Variants in HYDIN observed in about 807,000 individuals in gnomAD.
HYDIN encodes axonemal central pair apparatus protein HYDIN.
Under a neutral mutation model 403.9 loss-of-function variants are expected in HYDIN, and 132 were observed. That is an observed-to-expected ratio of 0.33 (90% confidence interval 0.28 to 0.38). HYDIN has a LOEUF of 0.38. Ranked by LOEUF, HYDIN falls within the 10% of genes least tolerant of loss-of-function variation. The probability of loss-of-function intolerance (pLI) is 1.00; values close to 1 mark genes in which losing one functional copy is unlikely to be tolerated. For missense variants in HYDIN, 2,827 were observed against 5,009.5 expected (o/e 0.56, Z 13.15); for synonymous variants, 1,202 against 1,891.7 (o/e 0.64, Z 9.46).
chr16:70,933,691 G>A lies in HYDIN; in HGVS notation c.7158+2261C>T, dbSNP rs531919020. The stretch of plus-strand genomic sequence containing the variant: ...TGGGATCTATTCACAGTTCCCAGCA[G>A]GGAGTGTCACATAGCAGGAATTCAG... On this transcript the variant is annotated intron_variant, in intron 45 of 85. Transcript: ENST00000393567. 5 of 154,954 alleles carry A rather than the reference G, an allele frequency of 3.2e-5. No homozygotes were observed. In the East Asian group the frequency reaches 5.8e-4, roughly 18 times the overall value. The allele number at this position is 154,954 out of a possible 1,614,324, so 9.6% of individuals were successfully genotyped here. A position where few individuals can be genotyped will look rare whatever the true frequency, so the allele number is the denominator to read the frequency against.
intron 84 of HYDIN, among the ~76,000 whole-genome samples, chr16:70,811,694 C>T (rs2035514442): frequency 6.6e-6 from 1 of 151,606 alleles, no homozygotes; most frequent in African/African-American, 2.4e-5. Flanking sequence ...CCCGTCTCTA[C>T]TAAAAATACA....
chr16:70,879,574 G>A, intron 61 of HYDIN, 31 bp downstream of exon 61: 2 of 1,612,010 alleles, frequency 1.2e-6, no homozygotes, highest in Non-Finnish European at 1.7e-6. Flanking sequence ...TCCTGCTGCA[G>A]GAGAGGGAGC....
chr16:70,964,545 T>G (rs981500269), intron 37 of HYDIN, among the ~76,000 whole-genome samples, 183 bp downstream of exon 37: 1 of 151,006 alleles, frequency 6.6e-6, no homozygotes, highest in Non-Finnish European at 1.5e-5. Flanking sequence ...TTCCAGCCTC[T>G]GCATCCATAA....
At chr16:71,230,532 G>C in intron 1 of HYDIN, 30 bp downstream of exon 1, 8 of 1,517,322 alleles carry the variant, frequency 5.3e-6, no homozygotes, top group Non-Finnish European at 7.0e-6. Context: ...CTCACACTTT[G>C]ACCCCACAAT....
chr16:71,027,384 T>G (rs1332816618), intron 20 of HYDIN: 2 of 1,433,918 alleles, frequency 1.4e-6, no homozygotes, highest in East Asian at 5.1e-5. Flanking sequence ...GAACCTCCTT[T>G]AAGATTGGGT....
intron 23 of HYDIN, among the ~76,000 whole-genome samples, chr16:71,005,320 G>A (rs1348063506): frequency 3.9e-5 from 6 of 152,060 alleles, no homozygotes; most frequent in Non-Finnish European, 8.8e-5. Flanking sequence ...GTACTTGAGA[G>A]GTAATTTGGT....
intron 13 of HYDIN, among the ~76,000 whole-genome samples, chr16:71,070,009 C>G (rs980106113): frequency 6.6e-6 from 1 of 152,184 alleles, no homozygotes; most frequent in Non-Finnish European, 1.5e-5. Flanking sequence ...GTGTCCTAGA[C>G]CTGTCTGGGT....
intron 20 of HYDIN, among the ~76,000 whole-genome samples, chr16:71,026,128 G>A (rs1289270468): frequency 1.3e-5 from 2 of 152,184 alleles, no homozygotes; most frequent in African/African-American, 4.8e-5. Flanking sequence ...TCGAACTCCC[G>A]ACCACAGGTG....
intron 29 of HYDIN, 67 bp downstream of exon 29, chr16:70,981,324 T>G: frequency 2.0e-6 from 3 of 1,506,562 alleles, no homozygotes; most frequent in Non-Finnish European, 2.7e-6. Context: ...CCAGCAATCT[T>G]CCAATAAGCA....
intron 23 of HYDIN, among the ~76,000 whole-genome samples, chr16:71,016,264 C>T (rs2080254431): frequency 6.6e-6 from 1 of 151,450 alleles, no homozygotes; most frequent in Admixed American, 6.6e-5. Flanking sequence ...AGAACTCCAA[C>T]TCAATAGCAA....
At chr16:71,194,171 G>C (rs2087575887) in intron 1 of HYDIN, among the ~76,000 whole-genome samples, 1 of 152,148 alleles carries the variant, frequency 6.6e-6, no homozygotes, top group Non-Finnish European at 1.5e-5. Context: ...CCAGCACTTT[G>C]GGAGGCTGAG....
chr16:70,985,470 T>A, intron 27 of HYDIN, 148 bp from the exon 28 acceptor site: 1 of 854,706 alleles, frequency 1.2e-6, no homozygotes, highest in Non-Finnish European at 1.8e-6. Flanking sequence ...AACAAATGCC[T>A]ACTGGGGCAC....
chr16:71,000,541 GGCC>G (rs2079672311), intron 23 of HYDIN, among the ~76,000 whole-genome samples: 1 of 151,136 alleles, frequency 6.6e-6, no homozygotes, highest in South Asian at 2.1e-4. Flanking sequence ...AGACTGTATG[GGCC>G]CCAACATGGA....
intron 23 of HYDIN, among the ~76,000 whole-genome samples, chr16:71,015,191 T>C (rs1294479108): frequency 6.6e-6 from 1 of 151,358 alleles, no homozygotes; most frequent in Non-Finnish European, 1.5e-5. Context: ...TATCAAATGT[T>C]TTCTGACTGA....
chr16:70,917,043 C>T (rs1192843406), intron 47 of HYDIN, among the ~76,000 whole-genome samples: 1 of 152,162 alleles, frequency 6.6e-6, no homozygotes, highest in African/African-American at 2.4e-5. Context: ...CCACCTCAGC[C>T]TCCTGAGTAG....
In HYDIN at chr16:70,889,816, C is replaced by A. The variant is rs189633916; in HGVS notation, c.9657-112G>T. On this transcript the variant is annotated intron_variant, in intron 57 of 85. Transcript: ENST00000393567. The stretch of plus-strand genomic sequence containing the variant: ...TTCTCCCAGGAATGGGGGAAGGGGC[C>A]CTTCTTTGCCCAAGAGGACACTGGA... 11 of 771,984 alleles carry A rather than the reference C, an allele frequency of 1.4e-5. No individual in the cohort carries two copies. The African/African-American group carries it at 1.9e-4, about 14-fold the overall frequency. 47.8% of individuals were successfully genotyped at this position (771,984 alleles called of 1,614,324 possible).
chr16:71,199,339 T>C (rs1290011818), intron 1 of HYDIN, among the ~76,000 whole-genome samples: 2 of 152,226 alleles, frequency 1.3e-5, no homozygotes, highest in Non-Finnish European at 2.9e-5. Flanking sequence ...CCTACTCCTT[T>C]GAAGCAGCCC....
intron 36 of HYDIN, among the ~76,000 whole-genome samples, chr16:70,967,232 T>A (rs2143969169): frequency 6.6e-6 from 1 of 152,328 alleles, no homozygotes; most frequent in South Asian, 2.1e-4. Context: ...CTCACCATGC[T>A]TATGGATAAT....
chr16:70,853,390 A>G (rs1342852009), intron 73 of HYDIN, among the ~76,000 whole-genome samples: 8 of 150,840 alleles, frequency 5.3e-5, no homozygotes. Flanking sequence ...TGACATGAAG[A>G]CACAAAAAAT....
Sources: allele counts gnomAD v4.1 joint callset (sites outside exome capture counted in the v4.1 genomes callset), GRCh38; gene constraint gnomAD v4.1.1; transcripts MANE v1.5; gene names NCBI Gene and HGNC (gene_info 2026-07-23, HGNC 2026-07-21).